SLC4A4: variants seen among roughly 807,000 people sequenced by gnomAD.
SLC4A4 encodes the protein solute carrier family 4 member 4.
In SLC4A4, 27 loss-of-function variants were observed where a neutral mutation model predicts 111.5. The observed-to-expected ratio is 0.24, with a 90% CI of 0.18 to 0.33. The LOEUF (loss-of-function observed/expected upper bound fraction) is 0.33, where lower values mean the gene tolerates loss of function less well. Ranked by LOEUF, SLC4A4 falls within the 10% of genes least tolerant of loss-of-function variation. The pLI is 1.00. For synonymous variants in SLC4A4, 443 were observed against 463.4 expected (o/e 0.96, Z 0.57); for missense variants, 909 against 1,315.5 (o/e 0.69, Z 4.78).
At chr4:71,442,849 A>G (rs1448390088) in intron 8 of SLC4A4, among the ~76,000 whole-genome samples, 3 of 151,710 alleles carry the variant, frequency 2.0e-5, no homozygotes, top group East Asian at 3.9e-4. Flanking sequence ...GAGTTCACCA[A>G]TTTCATTATT....
chr4:71,497,729 T>C, intron 16 of SLC4A4, 37 bp downstream of exon 16: 1 of 1,517,898 alleles, frequency 6.6e-7, no homozygotes, highest in Non-Finnish European at 9.1e-7. Flanking sequence ...TCATTGGATT[T>C]ACACTGTATC....
chr4:71,252,858 A>G (rs748660570), intron 2 of SLC4A4, among the ~76,000 whole-genome samples: 18 of 152,190 alleles, frequency 1.2e-4, no homozygotes, highest in Non-Finnish European at 2.1e-4. Flanking sequence ...TACTAAAATC[A>G]TTGACTGTAT....
chr4:71,551,978 A>C (rs971731845), intron 20 of SLC4A4, among the ~76,000 whole-genome samples: 3 of 151,892 alleles, frequency 2.0e-5, no homozygotes, highest in African/African-American at 7.2e-5. Context: ...CAGGGCTTTG[A>C]ATCTGACCTT....
intron 2 of SLC4A4, among the ~76,000 whole-genome samples, chr4:71,170,980 G>T (rs533136341): frequency 4.4e-4 from 67 of 152,298 alleles, no homozygotes; most frequent in African/African-American, 1.4e-3. Context: ...TACATGTTTA[G>T]AAAATGGTGA....
chr4:71,250,183 C>G (rs1720964294), intron 2 of SLC4A4, among the ~76,000 whole-genome samples: 1 of 151,960 alleles, frequency 6.6e-6, no homozygotes, highest in Non-Finnish European at 1.5e-5. Flanking sequence ...TACCTACATT[C>G]CTCTTGGCAA....
At chr4:71,201,174 A>G (rs993354133) in intron 1 of SLC4A4, among the ~76,000 whole-genome samples, 2 of 152,142 alleles carry the variant, frequency 1.3e-5, no homozygotes, top group African/African-American at 4.8e-5. Context: ...GGAGTTAAGG[A>G]AGTTGGACTG....
At chr4:71,065,969 C>T (rs1313257271) in intron 1 of SLC4A4, among the ~76,000 whole-genome samples, 1 of 151,962 alleles carries the variant, frequency 6.6e-6, no homozygotes, top group Non-Finnish European at 1.5e-5. Flanking sequence ...GTTGTATATG[C>T]CTTCCATTAT....
At position 71,421,796 on chromosome 4, in the gene SLC4A4, A is replaced by G. The variant is rs1260920854; in HGVS notation, c.808-18820A>G. Among the ~76,000 whole-genome samples, 3 of 152,296 alleles carry G rather than the reference A, an allele frequency of 2.0e-5. No homozygotes were observed. In the East Asian group the frequency reaches 5.8e-4, roughly 29 times the overall value. On this transcript the variant is annotated intron_variant, in intron 7 of 25. Transcript: ENST00000264485. ...ATGTTCTTTGAAACCAATGAGAAAA[A>G]AGACACAACATACCAGAATCTCTGG...
At chr4:71,430,841 A>G (rs1263448285) in intron 7 of SLC4A4, among the ~76,000 whole-genome samples, 1 of 152,022 alleles carries the variant, frequency 6.6e-6, no homozygotes, top group Non-Finnish European at 1.5e-5. Flanking sequence ...CTAAATATTG[A>G]TTTTTCCAAA....
At chr4:71,247,967 G>A (rs1303784895) in intron 2 of SLC4A4, among the ~76,000 whole-genome samples, 2 of 152,110 alleles carry the variant, frequency 1.3e-5, no homozygotes, top group Non-Finnish European at 2.9e-5. Flanking sequence ...GCCATTGAAA[G>A]CTCTGGGGGA....
intron 5 of SLC4A4, among the ~76,000 whole-genome samples, chr4:71,356,379 A>G (rs562720234): frequency 5.3e-5 from 8 of 152,324 alleles, no homozygotes; most frequent in South Asian, 2.1e-4. Flanking sequence ...AAAATGCCCA[A>G]TGGAAATATA....
intron 2 of SLC4A4, among the ~76,000 whole-genome samples, chr4:71,114,020 G>A (rs995145786): frequency 1.2e-4 from 18 of 152,152 alleles, no homozygotes; most frequent in South Asian, 6.2e-4. Context: ...GGCCGAGGCC[G>A]GCGGATCACG....
At chr4:71,502,735 T>A (rs1027525512) in intron 16 of SLC4A4, among the ~76,000 whole-genome samples, 1 of 152,168 alleles carries the variant, frequency 6.6e-6, no homozygotes, top group Non-Finnish European at 1.5e-5. Flanking sequence ...CTAAGACTAG[T>A]TTTGTAGCCT....
Position 71,224,710 on chromosome 4 carries a change from G to A in SLC4A4, c.-1-11866G>A, listed in dbSNP as rs150715425. Among the ~76,000 whole-genome samples the A allele has an allele frequency of 8.2e-4, 125 of 152,318 alleles. 1 individual carries two copies. The highest frequency in any genetic ancestry group is 2.9e-3 in the African/African-American group (121 of 41,574). On this transcript the variant is annotated intron_variant, in intron 1 of 25. Coordinates refer to ENST00000264485, the MANE Select transcript of SLC4A4 (RefSeq NM_001098484.3). Reference sequence around the variant, plus strand: ...CTTTGGCCAGTAGGCACACCAAAGTGGGGAAAGAGGTAAGTGATGTAATTT... The same window carrying A: ...CTTTGGCCAGTAGGCACACCAAAGTAGGGAAAGAGGTAAGTGATGTAATTT...
intron 6 of SLC4A4, among the ~76,000 whole-genome samples, chr4:71,387,112 T>G (rs952398661): frequency 3.9e-5 from 6 of 152,206 alleles, no homozygotes; most frequent in African/African-American, 1.4e-4. Context: ...ATCCATCCTT[T>G]TTAGCCTGTC....
chr4:71,385,586 A>G (rs1361641474), intron 6 of SLC4A4, among the ~76,000 whole-genome samples: 1 of 152,190 alleles, frequency 6.6e-6, no homozygotes, highest in Non-Finnish European at 1.5e-5. Flanking sequence ...AATAGAATTT[A>G]TATCATTATG....
At chr4:71,415,114 C>T (rs549606226) in intron 7 of SLC4A4, among the ~76,000 whole-genome samples, 7 of 152,314 alleles carry the variant, frequency 4.6e-5, no homozygotes, top group African/African-American at 1.7e-4. Flanking sequence ...GTCTCTTCAA[C>T]CTTCTCAAGC....
At chr4:71,125,007 A>G (rs955165319) in intron 2 of SLC4A4, among the ~76,000 whole-genome samples, 10 of 152,226 alleles carry the variant, frequency 6.6e-5, no homozygotes, top group African/African-American at 2.4e-4. Flanking sequence ...ATGGTATCTG[A>G]GATATCTGGA....
At chr4:71,446,380 G>C (rs1181921308) in intron 8 of SLC4A4, among the ~76,000 whole-genome samples, 1 of 152,280 alleles carries the variant, frequency 6.6e-6, no homozygotes, top group East Asian at 1.9e-4. Flanking sequence ...CCCTGGCTAA[G>C]CATCCAGAAG....
Sources: allele counts gnomAD v4.1 joint callset (sites outside exome capture counted in the v4.1 genomes callset), GRCh38; gene constraint gnomAD v4.1.1; transcripts MANE v1.5; gene names NCBI Gene and HGNC (gene_info 2026-07-23, HGNC 2026-07-21).